TDRD9: variants seen among roughly 807,000 people sequenced by gnomAD.
The protein encoded by TDRD9 is tudor domain containing 9, also known as ATP-dependent RNA helicase TDRD9.
A neutral mutation model predicts 172.6 loss-of-function variants in TDRD9; 124 were observed. That is an observed-to-expected ratio of 0.72 (90% CI 0.62 to 0.83). The LOEUF is 0.83. Ranked by LOEUF, TDRD9 falls within the 40% of genes least tolerant of loss-of-function variation. The probability of loss-of-function intolerance (pLI) is 0.00; values close to 1 mark genes in which losing one functional copy is unlikely to be tolerated. For synonymous variants in TDRD9, 619 were observed against 617.1 expected (o/e 1.00, Z -0.05); for missense variants, 1,479 against 1,714.1 (o/e 0.86, Z 2.42).
intron 14 of TDRD9, 151 bp from the exon 15 acceptor site, chr14:104,005,119 CCCTT>C: frequency 1.7e-6 from 1 of 597,528 alleles, no homozygotes; most frequent in Non-Finnish European, 2.8e-6. Context: ...TCTTCTCTCT[CCCTT>C]CTCTTCTCTC....
At chr14:104,022,436 G>A in intron 24 of TDRD9, 106 bp downstream of exon 24, 14 of 1,247,570 alleles carry the variant, frequency 1.1e-5, no homozygotes, top group South Asian at 1.5e-5. Context: ...CATGGTAAAA[G>A]CACTGGCTTG....
intron 24 of TDRD9, among the ~76,000 whole-genome samples, chr14:104,022,729 A>AAAAAAAAAAAT (rs1209630995): frequency 2.7e-5 from 4 of 145,984 alleles, no homozygotes; most frequent in Middle Eastern, 3.5e-3. Flanking sequence ...GCTGTCTTAA[A>AAAAAAAAAAAT]AAATAAATAA....
Position 104,042,105 on chromosome 14 carries a change from T to G in TDRD9, c.3892T>G (p.Cys1298Gly). ...CAGGGCTGCTATTAACAAGCTAGTC[T>G]GTGATGGACCAAATGGATGCAAGTG... ...ILRAAINKLV[C>G]DGPNGCKCLG... is the part of the protein sequence containing the mutation. Residue 1298 changes from cysteine (C) to glycine (G), a missense_variant, in exon 34 of 36, where the codon TGT becomes GGT. By Grantham distance (159) the Cys-to-Gly change is radical. Transcript: ENST00000409874. 6.2e-7 allele frequency: 1 copy of G among 1,613,570 alleles called. No individual in the cohort carries two copies. Among genetic ancestry groups the G allele is most frequent in the African/African-American group, 1.3e-5 (1 of 75,050 alleles).
chr14:104,047,127 A>T (rs1449201036), intron 34 of TDRD9, among the ~76,000 whole-genome samples: 1 of 152,222 alleles, frequency 6.6e-6, no homozygotes, highest in Non-Finnish European at 1.5e-5. Context: ...CAGTCCATGA[A>T]GATGGAGTGT....
chr14:104,025,642 A>G lies in TDRD9; in HGVS notation c.2797A>G (p.Ile933Val). Residue 933 changes from isoleucine (I) to valine (V), a missense_variant, in exon 26 of 36, where the codon ATC (isoleucine) becomes GTC (valine). This residue lies in a region of TDRD9 where 1,413 missense variants were observed against 1,649.1 expected (regional missense o/e 0.86). Coordinates refer to ENST00000409874, the MANE Select transcript of TDRD9 (RefSeq NM_153046.3). Reference protein sequence around the residue: ...SEILKKLTAEINQLTLVPLPT... With the variant: ...SEILKKLTAEVNQLTLVPLPT... ...GATTCTGAAAAAGCTTACTGCTGAA[A>G]TCAACCAACTGACGCTGGTGCCCTT... The G allele has an allele frequency of 6.2e-7, 1 of 1,614,038 alleles. No homozygotes were observed. Among genetic ancestry groups the G allele is most frequent in the Non-Finnish European group, 8.5e-7 (1 of 1,179,896 alleles).
chr14:103,955,633 A>G (rs1595911556), intron 1 of TDRD9, 31 bp from the exon 2 acceptor site: 1 of 1,520,188 alleles, frequency 6.6e-7, no homozygotes, highest in Non-Finnish European at 8.9e-7. Context: ...CTTTTTGGAA[A>G]TAGTATACTA....
At chr14:103,941,123 G>A in intron 1 of TDRD9, 1 of 1,517,840 alleles carries the variant, frequency 6.6e-7, no homozygotes, top group Non-Finnish European at 8.8e-7. Flanking sequence ...AAATGGTAAT[G>A]AATATTCAGT....
At chr14:103,955,546 C>T in intron 1 of TDRD9, 118 bp from the exon 2 acceptor site, 3 of 627,880 alleles carry the variant, frequency 4.8e-6, no homozygotes, top group Middle Eastern at 4.5e-4. Context: ...AGTGTATATT[C>T]ATTTGTTTAT....
At chr14:104,039,704 T>A (rs1010740168) in intron 32 of TDRD9, among the ~76,000 whole-genome samples, 4 of 151,768 alleles carry the variant, frequency 2.6e-5, no homozygotes, top group Non-Finnish European at 5.9e-5. Context: ...CAGAGGAGGG[T>A]GGTGATAAAA....
At chr14:104,025,488 C>G in intron 25 of TDRD9, 76 bp from the exon 26 acceptor site, 1 of 1,143,052 alleles carries the variant, frequency 8.7e-7, no homozygotes, top group Non-Finnish European at 1.3e-6. Flanking sequence ...GGTGTCAGCC[C>G]TATGATTCAA....
chr14:103,995,893 T>C, intron 12 of TDRD9, 86 bp downstream of exon 12: 1 of 1,244,136 alleles, frequency 8.0e-7, no homozygotes, highest in Non-Finnish European at 1.1e-6. Flanking sequence ...ATTGTTCTTC[T>C]CTTCCTTCCC....
At chr14:103,960,595 C>T (rs560396119) in intron 2 of TDRD9, among the ~76,000 whole-genome samples, 3 of 152,368 alleles carry the variant, frequency 2.0e-5, no homozygotes, top group Non-Finnish European at 4.4e-5. Flanking sequence ...GGTGCGAGAG[C>T]CACACAGCTG....
chr14:103,941,008 C>T (rs2031194225), intron 1 of TDRD9: 1 of 1,535,410 alleles, frequency 6.5e-7, no homozygotes, highest in African/African-American at 1.4e-5. Context: ...CTCACTCCCT[C>T]TGTCAGAGCT....
At position 103,937,194 on chromosome 14, in the gene TDRD9, A is replaced by G. The variant is rs530703695; in HGVS notation, c.215+8470A>G. 7.9e-5 allele frequency among the ~76,000 whole-genome samples: 12 copies of G among 152,270 alleles called. No individual in the cohort carries two copies. In the South Asian group the frequency reaches 1.9e-3, roughly 24 times the overall value. On this transcript the variant is annotated intron_variant, in intron 1 of 35. Coordinates refer to ENST00000409874, the MANE Select transcript of TDRD9 (RefSeq NM_153046.3). ...TGGCATCGACTGCTGTTAGGATAAA[A>G]TTTCATCTGACTCTGCATCTAGGCT...
chr14:103,986,303 G>A lies in TDRD9; in HGVS notation c.1098G>A (p.Leu366=), dbSNP rs10143389. 558,307 of 1,608,820 alleles carry A rather than the reference G, an allele frequency of 0.35. 97,997 individuals are homozygous for A. Among genetic ancestry groups the A allele is most frequent in the Middle Eastern group, 0.38 (2,319 of 6,050 alleles). The change falls in exon 8 of 36, where the codon TTG becomes TTA. Residue 366 remains leucine, a synonymous_variant. Coordinates refer to ENST00000409874, the MANE Select transcript of TDRD9 (RefSeq NM_153046.3). The part of the protein sequence containing the change: ...AVSLIQMFDD[L]DMKESGNKAW... ...CTCTCATTCAGATGTTTGATGACTTGGATATGAAGGAGAGTGGGTAAGAGA... is the reference window on the plus strand; with the variant it reads ...CTCTCATTCAGATGTTTGATGACTTAGATATGAAGGAGAGTGGGTAAGAGA...
intron 7 of TDRD9, among the ~76,000 whole-genome samples, chr14:103,983,413 C>A (rs1421363587): frequency 6.6e-6 from 1 of 152,024 alleles, no homozygotes; most frequent in Non-Finnish European, 1.5e-5. Context: ...TTAATTTACT[C>A]TAAGTAAAAA....
chr14:104,051,940 C>T, intron 35 of TDRD9, 41 bp from the exon 36 acceptor site: 1 of 1,377,012 alleles, frequency 7.3e-7, no homozygotes, highest in Non-Finnish European at 1.0e-6. Flanking sequence ...TGGAAAAGCC[C>T]TGTCACAGAG....
chr14:104,037,902 G>T (rs553501560), intron 32 of TDRD9, among the ~76,000 whole-genome samples: 1 of 152,314 alleles, frequency 6.6e-6, no homozygotes, highest in African/African-American at 2.4e-5. Flanking sequence ...GTAGTTGATG[G>T]TGTCAGCCTG....
At chr14:103,938,412 GTGTATATATA>G (rs1208171269) in intron 1 of TDRD9, among the ~76,000 whole-genome samples, 2 of 73,046 alleles carry the variant, frequency 2.7e-5, no homozygotes, top group African/African-American at 1.2e-4. Flanking sequence ...GTGTGTGTGT[GTGTATATATA>G]TATATATATA....
Sources: allele counts gnomAD v4.1 joint callset (sites outside exome capture counted in the v4.1 genomes callset), GRCh38; gene constraint gnomAD v4.1.1; regional missense constraint gnomAD v4.1.1; transcripts MANE v1.5; gene names NCBI Gene and HGNC (gene_info 2026-07-23, HGNC 2026-07-21).